Variants in KIF7 observed in about 807,000 individuals in gnomAD.
The protein encoded by KIF7 is kinesin family member 7.
Under a neutral mutation model 135.7 loss-of-function variants are expected in KIF7, and 104 were observed. The observed-to-expected ratio is 0.77, with a 90% CI of 0.65 to 0.90. The LOEUF (loss-of-function observed/expected upper bound fraction) is 0.90. Ranked by LOEUF, KIF7 falls within the 40% of genes least tolerant of loss-of-function variation. The probability of loss-of-function intolerance (pLI) is 0.00; values close to 1 mark genes in which losing one functional copy is unlikely to be tolerated. For missense variants in KIF7, 2,005 were observed against 1,839.1 expected, an observed-to-expected ratio of 1.09 and a Z score of -1.65; for synonymous variants, 883 against 809.4, an observed-to-expected ratio of 1.09 and a Z score of -1.54.
intron 11 of KIF7, among the ~76,000 whole-genome samples, chr15:89,639,017 C>T (rs1317956785): frequency 6.6e-6 from 1 of 152,044 alleles, no homozygotes; most frequent in Non-Finnish European, 1.5e-5. Context: ...TGATCTTTGA[C>T]AAACCTGAGA....
Position 89,632,939 on chromosome 15 carries a change from G to T in KIF7, c.2776C>A (p.Arg926=), listed in dbSNP as rs147407072. The change falls in exon 14 of 19, where the codon CGG becomes AGG. Residue 926 remains arginine (R), a synonymous_variant. Transcript: ENST00000394412. ...DQEMEKVLQQ[R]RALEELGEEL... Reference sequence around the variant, plus strand: ...TCCCCCAGCTCCTCCAGCGCCCGCCGCTGCTGTAGCACCTTCTCCATCTCC... The same window carrying T: ...TCCCCCAGCTCCTCCAGCGCCCGCCTCTGCTGTAGCACCTTCTCCATCTCC... 2.0e-5 allele frequency: 31 copies of T among 1,558,556 alleles called. No homozygotes were observed. The highest frequency in any genetic ancestry group is 4.2e-5 in the African/African-American group (3 of 70,694).
chr15:89,623,812 C>T (rs756120964), downstream of KIF7: 1 of 1,613,822 alleles, frequency 6.2e-7, no homozygotes, highest in East Asian at 2.2e-5. Flanking sequence ...CCATGACTCA[C>T]CATTGGATTC....
Position 89,628,671 on chromosome 15 carries a change from G to GC in KIF7, c.3779dup (p.Thr1261HisfsTer25). ...CCAAGTCCCGCGTCTCCTCCCGGGT[G>GC]CGGGGGGCCCCCTCAGTGAGGGGGG... On this transcript the variant is annotated frameshift_variant, in exon 19 of 19. Coordinates refer to ENST00000394412, the MANE Select transcript of KIF7 (RefSeq NM_198525.3). LOFTEE classifies it low-confidence loss of function (END_TRUNC). 1 of 1,613,154 alleles carries GC rather than the reference G, an allele frequency of 6.2e-7. No homozygotes were observed. Among genetic ancestry groups the GC allele is most frequent in the Non-Finnish European group, 8.5e-7 (1 of 1,179,918 alleles).
At chr15:89,624,271 A>C, downstream of KIF7, 1 of 1,614,208 alleles carries the variant, frequency 6.2e-7, no homozygotes, top group South Asian at 1.1e-5. Context: ...TGATGTCTCC[A>C]AGAAGAGTCC....
intron 11 of KIF7, among the ~76,000 whole-genome samples, chr15:89,638,459 A>G (rs1383534486): frequency 1.1e-4 from 16 of 151,098 alleles, no homozygotes; most frequent in Non-Finnish European, 1.5e-5. Flanking sequence ...GTCTCAGGAT[A>G]CAAAATCAAT....
chr15:89,640,576 T>C (rs1465257267), intron 11 of KIF7, among the ~76,000 whole-genome samples: 3 of 152,186 alleles, frequency 2.0e-5, no homozygotes, highest in Non-Finnish European at 4.4e-5. Flanking sequence ...CTCCACGATA[T>C]TGTCTCTTGG....
chr15:89,658,051 A>G (rs1203287013), upstream of KIF7, among the ~76,000 whole-genome samples: 1 of 152,254 alleles, frequency 6.6e-6, no homozygotes, highest in Non-Finnish European at 1.5e-5. Flanking sequence ...TATTCAATCC[A>G]TCAGGCCGAA....
At position 89,628,467 on chromosome 15, in the gene KIF7, C is replaced by A; in HGVS notation, c.3984G>T (p.Leu1328=). Residue 1328 remains leucine (L), a synonymous_variant, in exon 19 of 19, where the codon CTG becomes CTT. Transcript: ENST00000394412. Reference sequence around the variant, plus strand: ...CAATCATCCCCGGGCTGGCTCGTCGCAGTTCCCGCCGGGGCTTGGACAAAG... The same window carrying A: ...CAATCATCCCCGGGCTGGCTCGTCGAAGTTCCCGCCGGGGCTTGGACAAAG... ...FGPLSKPRRE[L]RRASPGMIDV... 6.2e-7 allele frequency: 1 copy of A among 1,610,372 alleles called. No individual in the cohort carries two copies. Among genetic ancestry groups the A allele is most frequent in the Non-Finnish European group, 8.5e-7 (1 of 1,178,194 alleles).
In KIF7 at chr15:89,633,723, A is replaced by G; in HGVS notation, c.2555T>C (p.Leu852Pro). ...LREETEQKRRLEAEMSKRQHR... is the reference protein window; with the variant it reads ...LREETEQKRRPEAEMSKRQHR... ...CTGCCGCTTGCTCATTTCTGCCTCC[A>G]GGCGCCGCTTCTGCTCCGTCTCCTC... Residue 852 changes from leucine (L) to proline (P), a missense_variant, in exon 12 of 19, where the codon CTG (leucine) becomes CCG (proline). By Grantham distance (98) the Leu-to-Pro change is moderately conservative. Coordinates refer to ENST00000394412, the MANE Select transcript of KIF7 (RefSeq NM_198525.3). 1 of 1,608,614 alleles carries G rather than the reference A, an allele frequency of 6.2e-7. No homozygotes were observed.
At chr15:89,643,757 C>T (rs1348759802) in intron 10 of KIF7, among the ~76,000 whole-genome samples, 1 of 152,048 alleles carries the variant, frequency 6.6e-6, no homozygotes, top group African/African-American at 2.4e-5. Context: ...TGTTGGCACA[C>T]GCCTGTAGTC....
At chr15:89,621,251 C>A in intron 1 of KIF7, 1 of 719,856 alleles carries the variant, frequency 1.4e-6, no homozygotes, top group Non-Finnish European at 2.2e-6. Context: ...GAACTCCTGA[C>A]CTCAGACCAT....
At position 89,648,589 on chromosome 15, in the gene KIF7, C is replaced by G. The variant is rs1439252969; in HGVS notation, c.1109G>C (p.Ser370Thr). ...GTGCCGTGGCGGACCCCGCGCGCCG[C>G]TCGCCGTCTCTTCGGGTGGCCGCTC... ...EAERPPEETA[S>T]GARGPPRHRS... is the part of the protein sequence containing the mutation. Residue 370 changes from serine to threonine, a missense_variant, in exon 5 of 19, where the codon AGC becomes ACC. Ser to Thr is a moderately conservative substitution (Grantham distance 58, BLOSUM62 1). Coordinates refer to ENST00000394412, the MANE Select transcript of KIF7 (RefSeq NM_198525.3). The G allele has an allele frequency of 6.6e-7, 1 of 1,523,494 alleles. No homozygotes were observed. The highest frequency in any genetic ancestry group is 8.8e-7 in the Non-Finnish European group (1 of 1,139,414). The allele number at this position is 1,523,494 out of a possible 1,614,324, so 94.4% of individuals were successfully genotyped here.
At position 89,629,412 on chromosome 15, in the gene KIF7, G is replaced by A. The variant is rs755087413; in HGVS notation, c.3480C>T (p.His1160=). ...DRQLTLQQKE[H]EQNMQLLLQQ... ...GCAGGAGCAGCTGCATGTTCTGCTC[G>A]TGCTCCTTCTGCTGCAGGGTCAGCT... Residue 1160 remains histidine, a synonymous_variant, in exon 17 of 19, where the codon CAC becomes CAT. Coordinates refer to ENST00000394412, the MANE Select transcript of KIF7 (RefSeq NM_198525.3). 13 of 1,605,998 alleles carry A rather than the reference G, an allele frequency of 8.1e-6. No homozygotes were observed. Among genetic ancestry groups the A allele is most frequent in the South Asian group, 6.6e-5 (6 of 91,062 alleles).
intron 2 of KIF7, among the ~76,000 whole-genome samples, chr15:89,651,405 T>C (rs1035873338): frequency 2.0e-4 from 31 of 152,098 alleles, no homozygotes; most frequent in Admixed American, 4.6e-4. Context: ...GCTCAGTTTT[T>C]GTATTTTTAG....
At chr15:89,661,724 C>CTT in the KIF7 span, among the ~76,000 whole-genome samples, 2 of 145,896 alleles carry the variant, frequency 1.4e-5, no homozygotes, top group Non-Finnish European at 3.0e-5. Flanking sequence ...TTGTAACTAA[C>CTT]TTTTTTTTTT....
rs1423914482 is a variant in KIF7 at position 89,649,839 on chromosome 15, G to A, written c.431C>T (p.Ser144Phe). Residue 144 changes from serine to phenylalanine, a missense_variant, in exon 3 of 19, where the codon TCC becomes TTC. Physicochemically the swap from Ser to Phe is radical, Grantham distance 155. Coordinates refer to ENST00000394412, the MANE Select transcript of KIF7 (RefSeq NM_198525.3). ...NDLLDCLVHV[S>F]YLEVYKEEFR... ...CTCCTCCTTGTACACTTCCAGGTAG[G>A]ACACATGTACCAGACAGTCAAGCAG... 1.9e-6 allele frequency: 3 copies of A among 1,551,684 alleles called. No homozygotes were observed. In the African/African-American group the frequency reaches 4.1e-5, roughly 21 times the overall value.
chr15:89,635,982 G>A (rs890867483), intron 11 of KIF7, among the ~76,000 whole-genome samples: 15 of 151,894 alleles, frequency 9.9e-5, no homozygotes, highest in South Asian at 2.1e-4. Flanking sequence ...CGGATCTCTC[G>A]GCAGAAACTC....
chr15:89,623,535 C>A (rs567329398), downstream of KIF7: 3 of 1,302,328 alleles, frequency 2.3e-6, no homozygotes, highest in African/African-American at 4.5e-5. Flanking sequence ...GACTATAAAT[C>A]TCCCATTTGG....
intron 13 of KIF7, 21 bp from the exon 14 acceptor site, chr15:89,633,017 AGGG>A: frequency 1.3e-6 from 1 of 755,730 alleles, no homozygotes; most frequent in Non-Finnish European, 2.2e-6. Context: ...GTAGGGAGGG[AGGG>A]AGGGAACTCA....
Sources: gnomAD v4.1 joint callset for allele counts (sites outside exome capture counted in the v4.1 genomes callset) on GRCh38, gnomAD v4.1.1 for gene constraint, MANE v1.5 for transcripts, NCBI Gene and HGNC (gene_info 2026-07-23, HGNC 2026-07-21) for gene names.